Variants in COL14A1 observed in about 807,000 individuals in gnomAD.
The protein encoded by COL14A1 is collagen alpha-1(XIV) chain.
Under a neutral mutation model 230.3 loss-of-function variants are expected in COL14A1, and 136 were observed. The observed-to-expected ratio is 0.59, with a 90% CI of 0.51 to 0.68. The LOEUF (loss-of-function observed/expected upper bound fraction) is 0.68. COL14A1 is among the 30% of genes least tolerant of loss of function. The pLI is 0.00. For missense variants in COL14A1, 1,976 were observed against 2,215.8 expected, an observed-to-expected ratio of 0.89 and a Z score of 2.17; for synonymous variants, 792 against 784.1, an observed-to-expected ratio of 1.01 and a Z score of -0.17.
At chr8:120,251,505 G>T (rs1268598887) in intron 22 of COL14A1, among the ~76,000 whole-genome samples, 1 of 151,962 alleles carries the variant, frequency 6.6e-6, no homozygotes, top group Admixed American at 6.6e-5. Flanking sequence ...GGGTTTTCAC[G>T]TTGTCTGCAC....
At chr8:120,178,328 G>A (rs1374040818) in intron 5 of COL14A1, among the ~76,000 whole-genome samples, 2 of 152,076 alleles carry the variant, frequency 1.3e-5, no homozygotes, top group Admixed American at 6.6e-5. Flanking sequence ...CATGCAGTAT[G>A]TGTTTTTCTG....
rs117203119 is a variant in COL14A1 at position 120,186,251 on chromosome 8, G to T, written c.437-10540G>T. ...AAATATCTTCAGTAGTGTGGCTGGAGCCAATCTCTACACAGTAACAGTGAG... is the reference window on the plus strand; with the variant it reads ...AAATATCTTCAGTAGTGTGGCTGGATCCAATCTCTACACAGTAACAGTGAG... On this transcript the variant is annotated intron_variant, in intron 5 of 47. Coordinates refer to ENST00000297848, the MANE Select transcript of COL14A1 (RefSeq NM_021110.4). Among the ~76,000 whole-genome samples the T allele has an allele frequency of 2.4e-3, 372 of 152,106 alleles. 2 individuals carry two copies. Among genetic ancestry groups the T allele is most frequent in the Non-Finnish European group, 3.8e-3 (261 of 68,000 alleles).
intron 47 of COL14A1, chr8:120,370,292 TC>T (rs765794415): frequency 4.4e-6 from 7 of 1,589,248 alleles, no homozygotes; most frequent in Non-Finnish European, 6.0e-6. Flanking sequence ...TCTCTGTTCA[TC>T]TTTTCCCTCC....
chr8:120,200,732 T>C (rs1817215888), intron 8 of COL14A1, among the ~76,000 whole-genome samples: 1 of 35,148 alleles, frequency 2.8e-5, no homozygotes, highest in South Asian at 7.3e-4. Flanking sequence ...TATATATATA[T>C]ATATATATAT....
chr8:120,282,474 G>C (rs989348953), intron 31 of COL14A1, among the ~76,000 whole-genome samples: 7 of 152,136 alleles, frequency 4.6e-5, no homozygotes, highest in African/African-American at 1.7e-4. Context: ...TTTATTTGCT[G>C]ATGTATCTTA....
At chr8:120,355,632 C>A (rs1586893770) in intron 45 of COL14A1, among the ~76,000 whole-genome samples, 1 of 152,100 alleles carries the variant, frequency 6.6e-6, no homozygotes, top group Admixed American at 6.6e-5. Flanking sequence ...AGGCTAGTCT[C>A]GAACTCCTAA....
At chr8:120,349,909 A>T (rs1003511981) in intron 45 of COL14A1, among the ~76,000 whole-genome samples, 7 of 146,048 alleles carry the variant, frequency 4.8e-5, no homozygotes, top group Non-Finnish European at 7.5e-5. Context: ...CTCCTCGAGA[A>T]GAGCAACTCC....
chr8:120,152,402 G>A (rs1815316951), intron 2 of COL14A1, among the ~76,000 whole-genome samples: 1 of 148,838 alleles, frequency 6.7e-6, no homozygotes. Context: ...CCTGGGAGGC[G>A]GAGCTTGCAG....
rs375521932 is a variant in COL14A1, at chr8:120,203,788, A to T, written c.957A>T (p.Glu319Asp). ...PDSTHVYNVA[E>D]FDLMHTVVES... ...GCACTCATGTGTACAATGTTGCCGA[A>T]TTCGATCTGATGCACACAGTTGTGG... Residue 319 changes from glutamate to aspartate, a missense_variant, in exon 9 of 48, where the codon GAA becomes GAT. Physicochemically the swap from Glu to Asp is conservative, Grantham distance 45 (BLOSUM62 2). Around this residue, in one of 3 missense-constraint regions of COL14A1, gnomAD observed 1,791 missense variants for 2,019.5 expected, o/e 0.89. Coordinates refer to ENST00000297848, the MANE Select transcript of COL14A1 (RefSeq NM_021110.4). 6.2e-7 allele frequency: 1 copy of T among 1,613,894 alleles called. No individual in the cohort carries two copies. Among genetic ancestry groups the T allele is most frequent in the African/African-American group, 1.3e-5 (1 of 74,918 alleles).
chr8:120,324,321 A>G (rs1821577715), intron 40 of COL14A1, among the ~76,000 whole-genome samples: 2 of 152,212 alleles, frequency 1.3e-5, no homozygotes, highest in South Asian at 4.1e-4. Flanking sequence ...GCATATATAC[A>G]TATACATTTT....
intron 42 of COL14A1, among the ~76,000 whole-genome samples, chr8:120,334,948 A>G (rs550804247): frequency 6.6e-6 from 1 of 152,306 alleles, no homozygotes; most frequent in South Asian, 2.1e-4. Flanking sequence ...AAAACACCCA[A>G]AACTAGTTTA....
At chr8:120,183,218 G>C (rs996522458) in intron 5 of COL14A1, among the ~76,000 whole-genome samples, 2 of 152,080 alleles carry the variant, frequency 1.3e-5, no homozygotes, top group African/African-American at 4.8e-5. Flanking sequence ...AATTGTATTG[G>C]GAGGAAGTGG....
At chr8:120,291,906 G>T (rs1244647633) in intron 34 of COL14A1, among the ~76,000 whole-genome samples, 3 of 152,040 alleles carry the variant, frequency 2.0e-5, no homozygotes, top group African/African-American at 4.8e-5. Flanking sequence ...CATTGTCTTT[G>T]TTTAAAACCA....
intron 1 of COL14A1, among the ~76,000 whole-genome samples, chr8:120,126,042 A>G (rs1814322894): frequency 3.3e-5 from 5 of 152,072 alleles, no homozygotes; most frequent in Admixed American, 2.6e-4. Context: ...GTTTTGAGAG[A>G]GGCACCGCCA....
At chr8:120,150,345 T>C (rs2130480358) in intron 2 of COL14A1, among the ~76,000 whole-genome samples, 1 of 152,298 alleles carries the variant, frequency 6.6e-6, no homozygotes, top group African/African-American at 2.4e-5. Flanking sequence ...TAAAATATAC[T>C]AAATTGTCCA....
intron 19 of COL14A1, among the ~76,000 whole-genome samples, chr8:120,242,350 T>C (rs1471283198): frequency 1.3e-5 from 2 of 152,250 alleles, no homozygotes; most frequent in African/African-American, 4.8e-5. Context: ...CTAATGAGTC[T>C]TCTAAAACAG....
chr8:120,272,889 G>A (rs770596564), intron 26 of COL14A1, among the ~76,000 whole-genome samples: 12 of 151,656 alleles, frequency 7.9e-5, no homozygotes, highest in Non-Finnish European at 1.6e-4. Flanking sequence ...AGATAATCAA[G>A]ACAGAGAATC....
intron 16 of COL14A1, 94 bp downstream of exon 16, chr8:120,226,860 A>C: frequency 8.9e-7 from 1 of 1,123,894 alleles, no homozygotes. Flanking sequence ...TATATTAGGA[A>C]TCCCAGAAGT....
At chr8:120,196,038 T>A (rs547318777) in intron 5 of COL14A1, among the ~76,000 whole-genome samples, 2 of 152,324 alleles carry the variant, frequency 1.3e-5, no homozygotes, top group South Asian at 2.1e-4. Flanking sequence ...CCAGCATTGC[T>A]GTGAGTGGGG....
Sources: allele counts gnomAD v4.1 joint callset (sites outside exome capture counted in the v4.1 genomes callset), GRCh38; gene constraint gnomAD v4.1.1; regional missense constraint gnomAD v4.1.1; transcripts MANE v1.5; gene names NCBI Gene and HGNC (gene_info 2026-07-23, HGNC 2026-07-21).